Variants in KLHL1 observed in about 807,000 individuals in gnomAD.
The protein encoded by KLHL1 is kelch-like protein 1.
KLHL1 carries 47 observed loss-of-function variants against 77.7 expected under a neutral mutation model. That is an observed-to-expected ratio of 0.60 (90% confidence interval 0.48 to 0.77). The LOEUF (loss-of-function observed/expected upper bound fraction) is 0.77, where lower values mean the gene tolerates loss of function less well. KLHL1 is among the 30% of genes least tolerant of loss of function. The pLI, the probability that KLHL1 is intolerant of heterozygous loss-of-function variation, is 0.00. For synonymous variants in KLHL1, 360 were observed against 325.2 expected (o/e 1.11, Z -1.15); for missense variants, 925 against 910.8 (o/e 1.02, Z -0.20).
chr13:70,041,226 C>T (rs1293145010), intron 1 of KLHL1, among the ~76,000 whole-genome samples: 1 of 152,120 alleles, frequency 6.6e-6, no homozygotes, highest in Non-Finnish European at 1.5e-5. Flanking sequence ...ACACTTGTGT[C>T]ACCTCAGAAC....
Position 69,707,788 on chromosome 13 carries a change from G to T in KLHL1, c.2024C>A (p.Pro675His). ...RLLDYVERYD[P>H]KTDTWTMVAP... ...CACCATGGTCCAAGTGTCTGTTTTGGGATCATATCTAAAATTCAATGACAA... is the reference window on the plus strand; with the variant it reads ...CACCATGGTCCAAGTGTCTGTTTTGTGATCATATCTAAAATTCAATGACAA... Residue 675 changes from proline to histidine, a missense_variant, in exon 10 of 11, where the codon CCC (proline) becomes CAC (histidine). By Grantham distance (77) the Pro-to-His change is moderately conservative. Coordinates refer to ENST00000377844, the MANE Select transcript of KLHL1 (RefSeq NM_020866.3). 6.2e-7 allele frequency: 1 copy of T among 1,611,526 alleles called. No individual in the cohort carries two copies. Among genetic ancestry groups the T allele is most frequent in the Non-Finnish European group, 8.5e-7 (1 of 1,178,526 alleles).
chr13:69,863,494 T>C (rs527982708), intron 5 of KLHL1, among the ~76,000 whole-genome samples: 19 of 121,866 alleles, frequency 1.6e-4, no homozygotes, highest in Middle Eastern at 3.9e-3. Flanking sequence ...AAAAAAAACA[T>C]AAGAAATAAA....
At chr13:69,794,315 ACGTATCATATG>A (rs1414132152) in intron 7 of KLHL1, among the ~76,000 whole-genome samples, 2 of 152,154 alleles carry the variant, frequency 1.3e-5, no homozygotes, top group Non-Finnish European at 2.9e-5. Flanking sequence ...AGACACAAAA[ACGTATCATATG>A]CCTTAGCCCT....
At chr13:69,706,328 AGAG>A (rs1290031462) in intron 10 of KLHL1, among the ~76,000 whole-genome samples, 4 of 151,852 alleles carry the variant, frequency 2.6e-5, no homozygotes, top group Non-Finnish European at 5.9e-5. Flanking sequence ...GTTTTCCTTT[AGAG>A]GAGAAGAAAT....
intron 4 of KLHL1, among the ~76,000 whole-genome samples, chr13:69,917,775 A>T (rs2138257699): frequency 6.6e-6 from 1 of 152,244 alleles, no homozygotes; most frequent in East Asian, 1.9e-4. Flanking sequence ...TTGGTATCAC[A>T]TAACATTCCA....
intron 10 of KLHL1, among the ~76,000 whole-genome samples, chr13:69,706,597 GTTA>G (rs1349154604): frequency 6.6e-6 from 1 of 151,880 alleles, no homozygotes; most frequent in East Asian, 1.9e-4. Context: ...AGGAGATGTG[GTTA>G]TTATTCTGCT....
intron 1 of KLHL1, among the ~76,000 whole-genome samples, chr13:70,057,733 G>A (rs1434397987): frequency 8.2e-5 from 10 of 121,956 alleles, no homozygotes; most frequent in Admixed American, 2.2e-4. Flanking sequence ...CCGAGATTGC[G>A]CCACTGCAGT....
rs946127065 is a variant in KLHL1, at chr13:69,805,000, C to T, written c.1415-8038G>A. Among the ~76,000 whole-genome samples, 17 of 151,882 alleles carry T rather than the reference C, an allele frequency of 1.1e-4. No homozygotes were observed. In the East Asian group the frequency reaches 1.5e-3, roughly 14 times the overall value. Reference sequence around the variant, plus strand: ...TTTTATAGTGTAAGCATTTCATTGACTTTCATGTATTCATATTTCTCTGAA... The same window carrying T: ...TTTTATAGTGTAAGCATTTCATTGATTTTCATGTATTCATATTTCTCTGAA... On this transcript the variant is annotated intron_variant, in intron 6 of 10. Transcript: ENST00000377844.
chr13:69,952,621 A>C (rs1883745405), intron 3 of KLHL1, among the ~76,000 whole-genome samples: 1 of 151,406 alleles, frequency 6.6e-6, no homozygotes, highest in Non-Finnish European at 1.5e-5. Flanking sequence ...TCAGTGATCA[A>C]GGTATTCCTT....
At chr13:69,824,512 G>T (rs1305310929) in intron 6 of KLHL1, among the ~76,000 whole-genome samples, 1 of 151,974 alleles carries the variant, frequency 6.6e-6, no homozygotes, top group African/African-American at 2.4e-5. Flanking sequence ...AGCTAAAAGT[G>T]AAAATATTTC....
chr13:70,085,989 C>A lies in KLHL1; in HGVS notation c.497+21214G>T, dbSNP rs184239153. Among the ~76,000 whole-genome samples the A allele has an allele frequency of 1.9e-3, 288 of 152,170 alleles. 2 individuals are homozygous for A. Among genetic ancestry groups the A allele is most frequent in the African/African-American group, 6.7e-3 (280 of 41,508 alleles). On this transcript the variant is annotated intron_variant, in intron 1 of 10. Transcript: ENST00000377844. Reference sequence around the variant, plus strand: ...GTAAAATTTGCTTTACTTCTCGTTACGTATGTTTTAAATTATATAACTTAC... The same window carrying A: ...GTAAAATTTGCTTTACTTCTCGTTAAGTATGTTTTAAATTATATAACTTAC...
intron 3 of KLHL1, among the ~76,000 whole-genome samples, chr13:69,956,558 C>A (rs956719172): frequency 1.3e-5 from 2 of 151,386 alleles, no homozygotes; most frequent in African/African-American, 4.8e-5. Flanking sequence ...TGAGTCACTT[C>A]AAGGAACTCG....
chr13:70,005,424 C>T (rs184630694), intron 1 of KLHL1, among the ~76,000 whole-genome samples: 1 of 152,058 alleles, frequency 6.6e-6, no homozygotes, highest in Admixed American at 6.6e-5. Flanking sequence ...GAACGTGGCC[C>T]AACACAAATT....
chr13:69,886,361 A>G (rs1276658084), intron 4 of KLHL1, among the ~76,000 whole-genome samples: 1 of 117,160 alleles, frequency 8.5e-6, no homozygotes, highest in African/African-American at 3.0e-5. Context: ...TCCTGAATAG[A>G]CAGAAGTTTT....
intron 6 of KLHL1, among the ~76,000 whole-genome samples, chr13:69,804,096 T>A (rs1270080248): frequency 6.6e-6 from 1 of 152,148 alleles, no homozygotes; most frequent in Non-Finnish European, 1.5e-5. Flanking sequence ...ATTTTTACAA[T>A]TTATAAAGTA....
chr13:69,719,696 A>G, intron 8 of KLHL1, 115 bp from the exon 9 acceptor site: 2 of 709,212 alleles, frequency 2.8e-6, no homozygotes, highest in Non-Finnish European at 4.7e-6. Context: ...TTGGAAATAT[A>G]TTACTTTGCA....
chr13:70,004,188 G>A (rs1205755339), intron 1 of KLHL1, among the ~76,000 whole-genome samples: 2 of 151,786 alleles, frequency 1.3e-5, no homozygotes, highest in East Asian at 1.9e-4. Context: ...ATAAATGGAA[G>A]GTCAGTCCTG....
intron 7 of KLHL1, among the ~76,000 whole-genome samples, chr13:69,751,452 A>G (rs1409091669): frequency 6.6e-6 from 1 of 152,030 alleles, no homozygotes; most frequent in Admixed American, 6.6e-5. Context: ...CAAGGTGAAA[A>G]GTGATGACTG....
intron 7 of KLHL1, among the ~76,000 whole-genome samples, chr13:69,781,525 C>G (rs933947244): frequency 6.6e-6 from 1 of 152,240 alleles, no homozygotes; most frequent in African/African-American, 2.4e-5. Flanking sequence ...TCATATCCAT[C>G]TGATTCTCAT....
Sources: allele counts gnomAD v4.1 joint callset (sites outside exome capture counted in the v4.1 genomes callset), GRCh38; gene constraint gnomAD v4.1.1; transcripts MANE v1.5; gene names NCBI Gene and HGNC (gene_info 2026-07-23, HGNC 2026-07-21).